The following PIK3C2G variants were observed in gnomAD, a reference collection of about 807,000 sequenced individuals.
PIK3C2G encodes the protein phosphatidylinositol-4-phosphate 3-kinase catalytic subunit type 2 gamma, also known as phosphatidylinositol 3-kinase C2 domain-containing subunit gamma.
Under a neutral mutation model 181.1 loss-of-function variants are expected in PIK3C2G, and 168 were observed. The observed-to-expected ratio is 0.93, with a 90% CI of 0.82 to 1.05. PIK3C2G has a LOEUF of 1.05. Ranked by LOEUF, PIK3C2G falls within the 50% of genes least tolerant of loss-of-function variation. The pLI is 0.00. For missense variants in PIK3C2G, 1,869 were observed against 1,732.8 expected (o/e 1.08, Z -1.40); for synonymous variants, 573 against 592.2 (o/e 0.97, Z 0.47).
At chr12:18,684,431 G>C in the PIK3C2G span, 2 of 678,346 alleles carry the variant, frequency 2.9e-6, no homozygotes, top group African/African-American at 1.8e-5. Flanking sequence ...CTCAGTGTGA[G>C]AGGAATAATA....
chr12:18,349,729 A>C (rs977643973), intron 11 of PIK3C2G, among the ~76,000 whole-genome samples: 2 of 152,096 alleles, frequency 1.3e-5, no homozygotes, highest in Admixed American at 6.5e-5. Flanking sequence ...TTGTGTATGT[A>C]TTTCATGATG....
chr12:18,579,721 T>C (rs1384086912), intron 29 of PIK3C2G, among the ~76,000 whole-genome samples: 1 of 152,226 alleles, frequency 6.6e-6, no homozygotes, highest in Non-Finnish European at 1.5e-5. Context: ...TTTTTTTCTT[T>C]CAGTGTTTGT....
chr12:18,672,674 G>A, the PIK3C2G span, among the ~76,000 whole-genome samples: 1 of 152,106 alleles, frequency 6.6e-6, no homozygotes, highest in Non-Finnish European at 1.5e-5. Flanking sequence ...CAGAAGGGTA[G>A]CAAGTCACAT....
At chr12:18,417,180 G>A (rs1302932094) in intron 16 of PIK3C2G, among the ~76,000 whole-genome samples, 2 of 152,212 alleles carry the variant, frequency 1.3e-5, no homozygotes, top group Non-Finnish European at 2.9e-5. Flanking sequence ...GCCTGAAGAT[G>A]TGACAGAATT....
At chr12:18,251,104 A>G (rs944848107) in intron 1 of PIK3C2G, among the ~76,000 whole-genome samples, 1 of 151,984 alleles carries the variant, frequency 6.6e-6, no homozygotes, top group African/African-American at 2.4e-5. Context: ...TGCCTAGTAA[A>G]ACATATGTAG....
At chr12:18,506,375 A>G (rs1941837954) in intron 24 of PIK3C2G, among the ~76,000 whole-genome samples, 1 of 152,136 alleles carries the variant, frequency 6.6e-6, no homozygotes, top group African/African-American at 2.4e-5. Context: ...GAAACTTTTC[A>G]ATTTTAGTGG....
At chr12:18,600,870 C>G (rs943418078) in intron 30 of PIK3C2G, among the ~76,000 whole-genome samples, 1 of 152,182 alleles carries the variant, frequency 6.6e-6, no homozygotes, top group African/African-American at 2.4e-5. Flanking sequence ...AGGAATTCTA[C>G]CAAACTCCTT....
intron 20 of PIK3C2G, among the ~76,000 whole-genome samples, chr12:18,495,217 T>C (rs753588667): frequency 6.6e-6 from 1 of 152,098 alleles, no homozygotes; most frequent in Admixed American, 6.5e-5. Context: ...CCTTTCTTTA[T>C]ATTGAATGAA....
chr12:18,491,431 T>G lies in PIK3C2G; in HGVS notation c.2686-20T>G, dbSNP rs1346354920. ...GTTCTTTACATTTTCTTAAATCCTT[T>G]TTCTAATGATTTTTCACAGGAGGTA... On this transcript the variant is annotated intron_variant, in intron 19 of 32. Transcript: ENST00000538779. 1.6e-6 allele frequency: 2 copies of G among 1,252,582 alleles called. No homozygotes were observed. The highest frequency in any genetic ancestry group is 3.9e-5 in the Admixed American group (2 of 51,620). 77.6% of individuals were successfully genotyped at this position (1,252,582 alleles called of 1,614,324 possible).
Position 18,411,890 on chromosome 12 carries a change from T to C in PIK3C2G, c.2316-9051T>C, listed in dbSNP as rs148331227. Among the ~76,000 whole-genome samples, 84 of 152,306 alleles carry C rather than the reference T, an allele frequency of 5.5e-4. 1 individual carries two copies. The East Asian group carries it at 0.016, about 29-fold the overall frequency. ...CACTTCAAAAGTTCTTTGAGTAAGATATTTTCCCTATACCCTTTTCAAACT... is the reference window on the plus strand; with the variant it reads ...CACTTCAAAAGTTCTTTGAGTAAGACATTTTCCCTATACCCTTTTCAAACT... On this transcript the variant is annotated intron_variant, in intron 16 of 32. Coordinates refer to ENST00000538779, the MANE Select transcript of PIK3C2G (RefSeq NM_001288772.2).
chr12:18,685,142 T>C, the PIK3C2G span, among the ~76,000 whole-genome samples: 10 of 152,012 alleles, frequency 6.6e-5, no homozygotes, highest in Non-Finnish European at 1.5e-4. Context: ...CCATACTTAG[T>C]TGTTAGACTG....
At chr12:18,353,448 C>A (rs989153413) in intron 11 of PIK3C2G, among the ~76,000 whole-genome samples, 1 of 152,136 alleles carries the variant, frequency 6.6e-6, no homozygotes, top group Non-Finnish European at 1.5e-5. Flanking sequence ...TACCCCAAGC[C>A]GTTTCACTTT....
chr12:18,696,322 C>CTATATATATATA, the PIK3C2G span: 762 of 267,610 alleles, frequency 2.8e-3, 62 homozygotes, highest in African/African-American at 0.028. Context: ...TAAAAAGCCA[C>CTATATATATATA]TATATATATA....
Position 18,423,954 on chromosome 12 carries a change from T to C in PIK3C2G, c.2419T>C (p.Phe807Leu). The stretch of plus-strand genomic sequence containing the variant: ...GTGTCTCTTACTTCAGGCTGTCAAG[T>C]TTGAATGGAACCTTGAGAGTCCTTT... The part of the protein sequence containing the change: ...YLPQLVQAVK[F>L]EWNLESPLVQ... Residue 807 changes from phenylalanine to leucine, a missense_variant, in exon 18 of 33, where the codon TTT (phenylalanine) becomes CTT (leucine). Transcript: ENST00000538779. 2 of 1,606,128 alleles carry C rather than the reference T, an allele frequency of 1.2e-6. No homozygotes were observed. The highest frequency in any genetic ancestry group is 2.2e-5 in the South Asian group (2 of 90,106).
chr12:18,376,232 A>G (rs1035985728), intron 13 of PIK3C2G, among the ~76,000 whole-genome samples: 15 of 152,176 alleles, frequency 9.9e-5, no homozygotes, highest in African/African-American at 3.4e-4. Flanking sequence ...TAGCTGAGCA[A>G]GGTCTTGGGA....
chr12:18,614,266 A>G (rs1948488652), intron 31 of PIK3C2G, among the ~76,000 whole-genome samples: 1 of 152,154 alleles, frequency 6.6e-6, no homozygotes, highest in Non-Finnish European at 1.5e-5. Context: ...AGGATAGTGA[A>G]GAGTACCTGT....
chr12:18,553,818 T>C (rs965921055), intron 26 of PIK3C2G, among the ~76,000 whole-genome samples: 2 of 152,138 alleles, frequency 1.3e-5, no homozygotes, highest in African/African-American at 2.4e-5. Context: ...CTTGTATCCC[T>C]CTTTGTATAG....
At chr12:18,522,078 T>C (rs1942958990) in intron 24 of PIK3C2G, among the ~76,000 whole-genome samples, 1 of 152,214 alleles carries the variant, frequency 6.6e-6, no homozygotes, top group East Asian at 1.9e-4. Flanking sequence ...AGCTGCCTAC[T>C]CAGTTCTAAT....
At chr12:18,402,407 T>C (rs1448716085) in intron 16 of PIK3C2G, among the ~76,000 whole-genome samples, 1 of 152,090 alleles carries the variant, frequency 6.6e-6, no homozygotes, top group East Asian at 1.9e-4. Context: ...TGCTAATGGG[T>C]ATGAGGTTTC....
Sources: gnomAD v4.1 joint callset for allele counts (sites outside exome capture counted in the v4.1 genomes callset) on GRCh38, gnomAD v4.1.1 for gene constraint, MANE v1.5 for transcripts, NCBI Gene and HGNC (gene_info 2026-07-23, HGNC 2026-07-21) for gene names.